ABI3: variants seen among roughly 807,000 people sequenced by gnomAD.
The protein encoded by ABI3 is ABI family member 3, also known as ABI gene family member 3.
Under a neutral mutation model 37.0 loss-of-function variants are expected in ABI3, and 24 were observed. The ratio of observed to expected loss-of-function variants is 0.65; its 90% confidence interval spans 0.47 to 0.91. The LOEUF (loss-of-function observed/expected upper bound fraction) is 0.91. Ranked by LOEUF, ABI3 falls within the 40% of genes least tolerant of loss-of-function variation. The pLI is 0.00. For synonymous variants in ABI3, 220 were observed against 211.8 expected (o/e 1.04, Z -0.34); for missense variants, 481 against 485.1 (o/e 0.99, Z 0.08).
intron 3 of ABI3, among the ~76,000 whole-genome samples, chr17:49,218,353 A>T (rs1024423259): frequency 2.6e-5 from 4 of 152,332 alleles, no homozygotes; most frequent in Non-Finnish European, 5.9e-5. Context: ...ATACAGCCAC[A>T]CAAAGGGGAC....
intron 1 of ABI3, among the ~76,000 whole-genome samples, chr17:49,211,372 C>T (rs1237895265): frequency 1.3e-5 from 2 of 152,120 alleles, no homozygotes; most frequent in Non-Finnish European, 2.9e-5. Context: ...GGGGATGGCC[C>T]ACATAACTGC....
At chr17:49,214,328 C>T (rs544251954) in intron 1 of ABI3, among the ~76,000 whole-genome samples, 97 of 152,298 alleles carry the variant, frequency 6.4e-4, no homozygotes, top group African/African-American at 2.2e-3. Context: ...CTCCATGACC[C>T]GACCAGAGAT....
Position 49,216,676 on chromosome 17 carries a change from C to G in ABI3, c.263C>G (p.Ala88Gly), listed in dbSNP as rs775453112. 3 of 1,590,230 alleles carry G rather than the reference C, an allele frequency of 1.9e-6. No homozygotes were observed. Among genetic ancestry groups the G allele is most frequent in the Non-Finnish European group, 2.6e-6 (3 of 1,168,530 alleles). Residue 88 changes from alanine to glycine, a missense_variant, in exon 2 of 8, where the codon GCC (alanine) becomes GGC (glycine). Transcript: ENST00000225941. ...LQGAALRQVE[A>G]RVSTLGQMVN... ...GGGGCCGCCCTGCGGCAGGTGGAAG[C>G]CCGTGTAAGCACGCTGGGCCAGGTA...
At chr17:49,216,423 C>T in intron 1 of ABI3, 108 bp from the exon 2 acceptor site, 3 of 1,130,896 alleles carry the variant, frequency 2.7e-6, no homozygotes, top group South Asian at 4.8e-5. Context: ...TTGCTGCTCT[C>T]TCCCAATCCA....
intron 1 of ABI3, among the ~76,000 whole-genome samples, chr17:49,214,375 T>C (rs1598239056): frequency 1.3e-5 from 2 of 152,044 alleles, no homozygotes; most frequent in Admixed American, 1.3e-4. Flanking sequence ...ACCGGAGAAG[T>C]TTTGCCCTAG....
At position 49,216,684 on chromosome 17, in the gene ABI3, A is replaced by G; in HGVS notation, c.271A>G (p.Ser91Gly). ...CCTGCGGCAGGTGGAAGCCCGTGTA[A>G]GCACGCTGGGCCAGGTAAGGGGCGT... is the stretch of plus-strand genomic sequence containing the variant. ...AALRQVEARV[S>G]TLGQMVNMHM... is the part of the protein sequence containing the mutation. Residue 91 changes from serine (S) to glycine (G), a missense_variant, in exon 2 of 8, where the codon AGC becomes GGC. Ser to Gly is a moderately conservative substitution (Grantham distance 56, BLOSUM62 0). Transcript: ENST00000225941. 6.3e-7 allele frequency: 1 copy of G among 1,581,128 alleles called. No individual in the cohort carries two copies. Among genetic ancestry groups the G allele is most frequent in the Non-Finnish European group, 8.6e-7 (1 of 1,163,080 alleles).
chr17:49,217,780 C>G lies in ABI3; in HGVS notation c.327C>G (p.Ile109Met). Reference protein sequence around the residue: ...MHMEKVARREIGTLATVQRLP... With the variant: ...MHMEKVARREMGTLATVQRLP... ...TGGAGAAGGTGGCCCGAAGGGAGAT[C>G]GGCACCTTAGCCACTGTCCAGCGGC... Residue 109 changes from isoleucine (I) to methionine (M), a missense_variant, in exon 3 of 8, where the codon ATC becomes ATG. Physicochemically the swap from Ile to Met is conservative, Grantham distance 10. Coordinates refer to ENST00000225941, the MANE Select transcript of ABI3 (RefSeq NM_016428.3). 1 of 1,611,486 alleles carries G rather than the reference C, an allele frequency of 6.2e-7. No homozygotes were observed. The highest frequency in any genetic ancestry group is 8.5e-7 in the Non-Finnish European group (1 of 1,178,860).
At position 49,222,748 on chromosome 17, in the gene ABI3, C is replaced by T. The variant is rs1023823820; in HGVS notation, c.*33C>T. 19 of 1,535,818 alleles carry T rather than the reference C, an allele frequency of 1.2e-5. No homozygotes were observed. In the Admixed American group the frequency reaches 2.2e-4, roughly 18 times the overall value. ...GGGCTCTCTGGGCAGCTGATGTCTGCACTGAGTGGGTTTCATGAGCCCCAA... is the reference window on the plus strand; with the variant it reads ...GGGCTCTCTGGGCAGCTGATGTCTGTACTGAGTGGGTTTCATGAGCCCCAA... On this transcript the variant is annotated 3_prime_UTR_variant, in exon 8 of 8. Coordinates refer to ENST00000225941, the MANE Select transcript of ABI3 (RefSeq NM_016428.3).
chr17:49,216,938 G>A (rs2043225181), intron 2 of ABI3, among the ~76,000 whole-genome samples: 1 of 152,174 alleles, frequency 6.6e-6, no homozygotes, highest in Non-Finnish European at 1.5e-5. Flanking sequence ...ACATGAGAAA[G>A]TGTTATCTAC....
chr17:49,217,863 G>T lies in ABI3; in HGVS notation c.410G>T (p.Cys137Phe), dbSNP rs775807811. The change falls in exon 3 of 8, where the codon TGC becomes TTC. Residue 137 changes from cysteine to phenylalanine, a missense_variant. Coordinates refer to ENST00000225941, the MANE Select transcript of ABI3 (RefSeq NM_016428.3). ...AACCTACCCCCTCTCACGCCCTACT[G>T]CAGGAGACCCCTCAACTTTGGCTGC... The part of the protein sequence containing the change: ...PENLPPLTPY[C>F]RRPLNFGCLD... 1 of 1,594,984 alleles carries T rather than the reference G, an allele frequency of 6.3e-7. No homozygotes were observed. Among genetic ancestry groups the T allele is most frequent in the South Asian group, 1.1e-5 (1 of 88,234 alleles).
chr17:49,210,988 TCCCAGAC>T lies in ABI3; in HGVS notation c.117+152_117+158del, dbSNP rs1162416867. The T allele has an allele frequency of 3.0e-6, 2 of 661,076 alleles. No homozygotes were observed. Among genetic ancestry groups the T allele is most frequent in the East Asian group, 5.5e-5 (2 of 36,080 alleles). The allele number at this position is 661,076 out of a possible 1,614,324, so 41.0% of individuals were successfully genotyped here. A position where few individuals can be genotyped will look rare whatever the true frequency, so the allele number is the denominator to read the frequency against. ...CCTCCCATTCCAGGCTTCGGCTTCA[TCCCAGAC>T]CCCAATACTTAACCCTGACCCCATA... is the stretch of plus-strand genomic sequence containing the variant. On this transcript the variant is annotated intron_variant, in intron 1 of 7. Transcript: ENST00000225941. This position sits in a 1 kb window ranked among gnomAD's most constrained non-coding sequence, Gnocchi z 4.2.
At chr17:49,218,878 A>G (rs1291598444) in intron 3 of ABI3, among the ~76,000 whole-genome samples, 2 of 151,542 alleles carry the variant, frequency 1.3e-5, no homozygotes, top group Non-Finnish European at 2.9e-5. Context: ...GAGCCACCCA[A>G]AGTTCTGGGA....
chr17:49,220,893 A>ATAATAG (rs1162563352), intron 6 of ABI3, among the ~76,000 whole-genome samples: 1 of 142,872 alleles, frequency 7.0e-6, no homozygotes, highest in East Asian at 2.1e-4. Flanking sequence ...AATAATAATA[A>ATAATAG]ACTTAATCCT....
chr17:49,222,048 G>A, intron 6 of ABI3, 43 bp from the exon 7 acceptor site: 1 of 1,532,196 alleles, frequency 6.5e-7, no homozygotes, highest in Non-Finnish European at 8.8e-7. Context: ...CACTGAAGGA[G>A]CTTCCTGTGC....
Position 49,222,144 on chromosome 17 carries a change from G to T in ABI3, c.856G>T (p.Asp286Tyr). The T allele has an allele frequency of 1.2e-6, 2 of 1,613,764 alleles. No individual in the cohort carries two copies. Among genetic ancestry groups the T allele is most frequent in the Non-Finnish European group, 1.7e-6 (2 of 1,179,840 alleles). The change falls in exon 7 of 8, where the codon GAT becomes TAT. Residue 286 changes from aspartate (D) to tyrosine (Y), a missense_variant. By Grantham distance (160) the Asp-to-Tyr change is radical (BLOSUM62 -3). Transcript: ENST00000225941. ...GCCTCCTCCTCCACCCCTGGATGGA[G>T]ATGAATTGGGGCTGCCTCCACCCCC... is the stretch of plus-strand genomic sequence containing the variant. Reference protein sequence around the residue: ...DLPPPPPLDGDELGLPPPPPG... With the variant: ...DLPPPPPLDGYELGLPPPPPG...
At chr17:49,217,684 GA>G in intron 2 of ABI3, 54 bp from the exon 3 acceptor site, 1 of 1,518,878 alleles carries the variant, frequency 6.6e-7, no homozygotes. Flanking sequence ...TCCTTAGGGG[GA>G]AGGGTGCTGG....
At chr17:49,221,252 C>T (rs144472220) in intron 6 of ABI3, among the ~76,000 whole-genome samples, 22 of 151,412 alleles carry the variant, frequency 1.5e-4, no homozygotes, top group African/African-American at 3.6e-4. Flanking sequence ...GGGCGGATCA[C>T]GAGGTCAGGA....
At chr17:49,220,792 C>A (rs62076380) in intron 6 of ABI3, among the ~76,000 whole-genome samples, 1 of 150,182 alleles carries the variant, frequency 6.7e-6, no homozygotes, top group African/African-American at 2.5e-5. Flanking sequence ...TGCAGTGAGC[C>A]GAGATCGCGC....
At position 49,219,933 on chromosome 17, in the gene ABI3, G is replaced by A. The variant is rs765153814; in HGVS notation, c.624G>A (p.Ala208=). 3.9e-6 allele frequency: 6 copies of A among 1,553,796 alleles called. No homozygotes were observed. The East Asian group carries it at 7.2e-5, about 19-fold the overall frequency. The stretch of plus-strand genomic sequence containing the variant: ...GCAGACTCTCCGCCGCCTCCTCTGC[G>A]TTTTCCCTGGCCTCGGCCGGGTGAG... ...PDGRLSAASS[A]FSLASAGSAE... is the part of the protein sequence containing the mutation. The change falls in exon 5 of 8, where the codon GCG becomes GCA. Residue 208 remains alanine, a synonymous_variant. Transcript: ENST00000225941. The surrounding 1 kb of genome is among the most constrained non-coding windows in gnomAD (Gnocchi z 4.3).
Sources: gnomAD v4.1 joint callset for allele counts (sites outside exome capture counted in the v4.1 genomes callset) on GRCh38, gnomAD v4.1.1 for gene constraint, Gnocchi (gnomAD v3.1) non-coding constraint, MANE v1.5 for transcripts, NCBI Gene and HGNC (gene_info 2026-07-23, HGNC 2026-07-21) for gene names.